Variants in CDH1 observed in about 807,000 individuals in gnomAD.
CDH1 encodes the protein cadherin 1, also known as cadherin-1.
A neutral mutation model predicts 84.5 loss-of-function variants in CDH1; 35 were observed. That is an observed-to-expected ratio of 0.41 (90% CI 0.32 to 0.55). The LOEUF is 0.55. Ranked by LOEUF, CDH1 falls within the 20% of genes least tolerant of loss-of-function variation. The pLI is 0.19. For missense variants in CDH1, 994 were observed against 1,126.6 expected, an observed-to-expected ratio of 0.88 and a Z score of 1.68; for synonymous variants, 417 against 439.0, an observed-to-expected ratio of 0.95 and a Z score of 0.63.
rs1024486301 is a variant in CDH1, at chr16:68,835,516, T to G, written c.*2017T>G. 5.1e-6 allele frequency: 1 copy of G among 194,552 alleles called. No individual in the cohort carries two copies. Among genetic ancestry groups the G allele is most frequent in the African/African-American group, 2.3e-5 (1 of 43,168 alleles). The allele number at this position is 194,552 out of a possible 1,614,324, so 12.1% of individuals were successfully genotyped here. On this transcript the variant is annotated 3_prime_UTR_variant, in exon 16 of 16. Coordinates refer to ENST00000261769, the MANE Select transcript of CDH1 (RefSeq NM_004360.5). Reference sequence around the variant, plus strand: ...TTCTCAAAGATGCATTTTTATAAATTTTATTAAACAATTTTGTTAAACCAT... The same window carrying G: ...TTCTCAAAGATGCATTTTTATAAATGTTATTAAACAATTTTGTTAAACCAT...
intron 2 of CDH1, among the ~76,000 whole-genome samples, chr16:68,742,135 C>T (rs528122995): frequency 6.6e-6 from 1 of 152,310 alleles, no homozygotes; most frequent in South Asian, 2.1e-4. Context: ...GGCAGGCTTT[C>T]CCAGTGATTG....
chr16:68,829,875 AG>A (rs1244380261), intron 15 of CDH1, 78 bp downstream of exon 15: 4 of 1,434,760 alleles, frequency 2.8e-6, no homozygotes, highest in Non-Finnish European at 3.9e-6. Context: ...TGAGAAAAAG[AG>A]TCTTTAGATT....
intron 10 of CDH1, among the ~76,000 whole-genome samples, chr16:68,818,449 G>T (rs981799414): frequency 6.6e-6 from 1 of 151,556 alleles, no homozygotes; most frequent in Admixed American, 6.6e-5. Flanking sequence ...TATTAACAAT[G>T]AGTAAACTCA....
chr16:68,771,391 A>G (rs866058366), intron 2 of CDH1, among the ~76,000 whole-genome samples: 2 of 152,114 alleles, frequency 1.3e-5, no homozygotes, highest in East Asian at 1.9e-4. Context: ...GTCTCAAGCA[A>G]TCCTCCCATC....
At chr16:68,810,427 G>A (rs538695436) in intron 6 of CDH1, 86 bp downstream of exon 6, 7 of 1,327,828 alleles carry the variant, frequency 5.3e-6, no homozygotes, top group African/African-American at 2.9e-5. Flanking sequence ...CAAAGGTTGT[G>A]TAACTAAAGC....
intron 2 of CDH1, among the ~76,000 whole-genome samples, chr16:68,766,121 T>C (rs1461697125): frequency 6.6e-6 from 1 of 152,042 alleles, no homozygotes; most frequent in East Asian, 1.9e-4. Flanking sequence ...TAGCCGGGTG[T>C]GGTGGTGCGC....
At chr16:68,789,293 A>G (rs1960148988) in intron 2 of CDH1, among the ~76,000 whole-genome samples, 1 of 151,928 alleles carries the variant, frequency 6.6e-6, no homozygotes, top group Non-Finnish European at 1.5e-5. Flanking sequence ...AGCCTCCCCA[A>G]AGTGCTGGGA....
In CDH1 at chr16:68,742,496, T is replaced by C. The variant is rs558507417; in HGVS notation, c.163+4085T>C. ...GGTTTCGACTACGGCCATACCACCC[T>C]GAACGCGCCCGATCTCGTCTGATCT... On this transcript the variant is annotated intron_variant, in intron 2 of 15. Coordinates refer to ENST00000261769, the MANE Select transcript of CDH1 (RefSeq NM_004360.5). The C allele has an allele frequency of 1.8e-3, 291 of 162,390 alleles. 2 individuals are homozygous for C. In the South Asian group the frequency reaches 0.019, roughly 11 times the overall value. 10.1% of individuals were successfully genotyped at this position (162,390 alleles called of 1,614,324 possible).
rs1961586444 is a variant in CDH1, at chr16:68,834,470, G to GC, written c.*977dup. 1.3e-5 allele frequency: 4 copies of GC among 314,432 alleles called. No individual in the cohort carries two copies. Among genetic ancestry groups the GC allele is most frequent in the African/African-American group, 2.2e-5 (1 of 46,480 alleles). 19.5% of individuals were successfully genotyped at this position (314,432 alleles called of 1,614,324 possible). On this transcript the variant is annotated 3_prime_UTR_variant, in exon 16 of 16. Transcript: ENST00000261769. ...GGCCTCAAGCAATCCTTCTGCCTTG[G>GC]CCCCCCAAAGTGCTGGGATTGTGGG...
rs61047122 is a variant in CDH1 at position 68,743,353 on chromosome 16, TTC to T, written c.163+4944_163+4945del. Among the ~76,000 whole-genome samples the T allele has an allele frequency of 8.4e-4, 13 of 15,508 alleles. 1 individual carries two copies. Among genetic ancestry groups the T allele is most frequent in the African/African-American group, 2.9e-3 (12 of 4,170 alleles). The allele number at this position is 15,508 out of a possible 152,430, so 10.2% of individuals were successfully genotyped here. The stretch of plus-strand genomic sequence containing the variant: ...TTTCTTTCTTTCTTTCTTTCTTTCT[TTC>T]TTTCTTTCTTTTCTTTTCTTTCTTT... On this transcript the variant is annotated intron_variant, in intron 2 of 15. Coordinates refer to ENST00000261769, the MANE Select transcript of CDH1 (RefSeq NM_004360.5).
At chr16:68,749,628 G>A (rs2152117149) in intron 2 of CDH1, among the ~76,000 whole-genome samples, 1 of 152,234 alleles carries the variant, frequency 6.6e-6, no homozygotes, top group East Asian at 1.9e-4. Context: ...AATCCTCCCT[G>A]TAGTCCAAGG....
At position 68,785,745 on chromosome 16, in the gene CDH1, T is replaced by A. The variant is rs575852035; in HGVS notation, c.164-15925T>A. ...CCCTGCAGAGCATAAAGAGCTTTTT[T>A]TTTTTTAATAGGTTCATAGTATTTC... On this transcript the variant is annotated intron_variant, in intron 2 of 15. Transcript: ENST00000261769. Among the ~76,000 whole-genome samples the A allele has an allele frequency of 2.0e-5, 3 of 152,328 alleles. No individual in the cohort carries two copies. In the South Asian group the frequency reaches 6.2e-4, roughly 32 times the overall value.
At chr16:68,821,461 C>T (rs969901448) in intron 11 of CDH1, among the ~76,000 whole-genome samples, 54 of 141,500 alleles carry the variant, frequency 3.8e-4, no homozygotes, top group Non-Finnish European at 6.8e-4. Flanking sequence ...CAGAGTGAGA[C>T]TCTGCCTCAA....
intron 2 of CDH1, among the ~76,000 whole-genome samples, chr16:68,800,836 C>G (rs1001193151): frequency 1.3e-5 from 2 of 152,194 alleles, no homozygotes; most frequent in Non-Finnish European, 2.9e-5. Context: ...ATATCACCCT[C>G]TTTTATTTTA....
intron 2 of CDH1, among the ~76,000 whole-genome samples, chr16:68,745,880 C>T (rs779084910): frequency 2.2e-4 from 34 of 152,212 alleles, no homozygotes; most frequent in Non-Finnish European, 1.9e-4. Flanking sequence ...TGCAATGACA[C>T]GATCTCAGTT....
intron 2 of CDH1, among the ~76,000 whole-genome samples, chr16:68,743,702 C>G (rs1287659089): frequency 1.3e-5 from 2 of 152,072 alleles, no homozygotes; most frequent in Non-Finnish European, 2.9e-5. Context: ...GCTCTATCTC[C>G]TTTGAGGGCA....
At chr16:68,782,448 G>A (rs1013487658) in intron 2 of CDH1, among the ~76,000 whole-genome samples, 7 of 152,196 alleles carry the variant, frequency 4.6e-5, no homozygotes, top group African/African-American at 1.7e-4. Flanking sequence ...GACAGGTGGG[G>A]GCCACTCTGT....
At chr16:68,773,712 G>A (rs954654561) in intron 2 of CDH1, among the ~76,000 whole-genome samples, 1 of 152,210 alleles carries the variant, frequency 6.6e-6, no homozygotes, top group Non-Finnish European at 1.5e-5. Flanking sequence ...AGTAAACTGA[G>A]GCTCTGAGAG....
chr16:68,768,686 T>C (rs1370261450), intron 2 of CDH1, among the ~76,000 whole-genome samples: 2 of 152,180 alleles, frequency 1.3e-5, no homozygotes, highest in Non-Finnish European at 2.9e-5. Flanking sequence ...AGATACCATC[T>C]CTTAATAAAA....
Sources: allele counts gnomAD v4.1 joint callset (sites outside exome capture counted in the v4.1 genomes callset), GRCh38; gene constraint gnomAD v4.1.1; transcripts MANE v1.5; gene names NCBI Gene and HGNC (gene_info 2026-07-23, HGNC 2026-07-21).